UBE2E2: variants seen among roughly 807,000 people sequenced by gnomAD.
The protein encoded by UBE2E2 is ubiquitin-conjugating enzyme E2 E2.
A neutral mutation model predicts 24.7 loss-of-function variants in UBE2E2; 6 were observed. The observed-to-expected ratio is 0.24, with a 90% CI of 0.13 to 0.48. UBE2E2 has a LOEUF of 0.48. UBE2E2 is among the 20% of genes least tolerant of loss of function. The probability of loss-of-function intolerance (pLI) is 0.99; values close to 1 mark genes in which losing one functional copy is unlikely to be tolerated. For missense variants in UBE2E2, 169 were observed against 245.0 expected, an observed-to-expected ratio of 0.69 and a Z score of 2.07; for synonymous variants, 104 against 83.6, an observed-to-expected ratio of 1.24 and a Z score of -1.33.
At chr3:23,361,335 C>CA (rs763683295) in intron 3 of UBE2E2, among the ~76,000 whole-genome samples, 8 of 151,902 alleles carry the variant, frequency 5.3e-5, no homozygotes, top group Non-Finnish European at 1.2e-4. Flanking sequence ...GGGTATCTAC[C>CA]CAAAGGAAAA....
chr3:23,363,261 G>T (rs1696168858), intron 3 of UBE2E2, among the ~76,000 whole-genome samples: 1 of 152,184 alleles, frequency 6.6e-6, no homozygotes, highest in Non-Finnish European at 1.5e-5. Context: ...GTGATAACCA[G>T]CTAACAACAT....
intron 3 of UBE2E2, among the ~76,000 whole-genome samples, chr3:23,454,244 A>G (rs1015088534): frequency 6.6e-6 from 1 of 152,228 alleles, no homozygotes; most frequent in African/African-American, 2.4e-5. Context: ...ACTTAAATGT[A>G]ATAACTTTAT....
intron 3 of UBE2E2, among the ~76,000 whole-genome samples, chr3:23,233,878 A>G (rs1261532272): frequency 4.6e-5 from 7 of 152,218 alleles, no homozygotes; most frequent in Admixed American, 6.5e-5. Flanking sequence ...TTTTGAATAT[A>G]TTATAATGGA....
At chr3:23,567,547 T>C (rs1405932215) in intron 5 of UBE2E2, among the ~76,000 whole-genome samples, 1 of 152,128 alleles carries the variant, frequency 6.6e-6, no homozygotes, top group East Asian at 1.9e-4. Flanking sequence ...CATGTCTGCT[T>C]TAGATTCAAA....
At chr3:23,259,382 T>C (rs1404956621) in intron 3 of UBE2E2, among the ~76,000 whole-genome samples, 2 of 152,186 alleles carry the variant, frequency 1.3e-5, no homozygotes, top group East Asian at 1.9e-4. Context: ...TCTGTAAATA[T>C]TTAGTGAAAG....
At chr3:23,223,638 T>A (rs1270894589) in intron 3 of UBE2E2, among the ~76,000 whole-genome samples, 1 of 152,146 alleles carries the variant, frequency 6.6e-6, no homozygotes, top group African/African-American at 2.4e-5. Flanking sequence ...TCTCTTCACT[T>A]TGTTGATTGT....
chr3:23,317,177 T>A (rs1333974131), intron 3 of UBE2E2, among the ~76,000 whole-genome samples: 1 of 152,198 alleles, frequency 6.6e-6, no homozygotes, highest in Non-Finnish European at 1.5e-5. Context: ...GCACTAGGAC[T>A]TGCCTAGGAA....
intron 3 of UBE2E2, among the ~76,000 whole-genome samples, chr3:23,409,664 A>G (rs929148355): frequency 2.0e-5 from 3 of 152,200 alleles, no homozygotes; most frequent in Admixed American, 6.5e-5. Context: ...AAATTACACA[A>G]AATAGGTGGC....
At chr3:23,260,498 C>T (rs1458144845) in intron 3 of UBE2E2, among the ~76,000 whole-genome samples, 1 of 152,024 alleles carries the variant, frequency 6.6e-6, no homozygotes, top group Non-Finnish European at 1.5e-5. Flanking sequence ...GATATTGTCC[C>T]TATAATCTAA....
chr3:23,427,072 T>G (rs1036281635), intron 3 of UBE2E2, among the ~76,000 whole-genome samples: 9 of 152,058 alleles, frequency 5.9e-5, no homozygotes, highest in African/African-American at 2.2e-4. Context: ...GAAAGTAGGC[T>G]TCGATTAGTT....
chr3:23,345,047 C>T (rs140540260), intron 3 of UBE2E2, among the ~76,000 whole-genome samples: 6 of 152,176 alleles, frequency 3.9e-5, no homozygotes, highest in African/African-American at 9.6e-5. Flanking sequence ...GAGGAGGAAA[C>T]GAATTTTGCC....
At chr3:23,351,429 G>GAC (rs1015717349) in intron 3 of UBE2E2, among the ~76,000 whole-genome samples, 10 of 151,758 alleles carry the variant, frequency 6.6e-5, no homozygotes, top group Non-Finnish European at 1.2e-4. Context: ...CCAATTAAAA[G>GAC]ACAGACTGGC....
rs943129573 is a variant in UBE2E2 at position 23,560,673 on chromosome 3, A to G, written c.508+27972A>G. 1.4e-4 allele frequency among the ~76,000 whole-genome samples: 21 copies of G among 152,240 alleles called. 1 individual carries two copies. The highest frequency in any genetic ancestry group is 2.2e-4 in the Non-Finnish European group (15 of 68,014). ...TTCCACAATGGTTGAACTAGTTTAC[A>G]GTCCCACCAACAGTGTAAAAGCATT... is the stretch of plus-strand genomic sequence containing the variant. On this transcript the variant is annotated intron_variant, in intron 5 of 5. Coordinates refer to ENST00000396703, the MANE Select transcript of UBE2E2 (RefSeq NM_152653.4).
At chr3:23,391,449 G>A (rs1696933100) in intron 3 of UBE2E2, among the ~76,000 whole-genome samples, 1 of 152,110 alleles carries the variant, frequency 6.6e-6, no homozygotes, top group African/African-American at 2.4e-5. Flanking sequence ...ACTATATGCT[G>A]GATACAGGCA....
At chr3:23,405,192 AGG>A (rs375948361) in intron 3 of UBE2E2, among the ~76,000 whole-genome samples, 1 of 152,330 alleles carries the variant, frequency 6.6e-6, no homozygotes, top group East Asian at 1.9e-4. Flanking sequence ...AGACCATTGT[AGG>A]TTTGAATTCC....
chr3:23,588,733 T>C (rs926145438), intron 5 of UBE2E2, among the ~76,000 whole-genome samples: 16 of 152,164 alleles, frequency 1.1e-4, no homozygotes, highest in African/African-American at 3.4e-4. Flanking sequence ...TTTCTCCACG[T>C]TGGGCAAGAG....
intron 3 of UBE2E2, among the ~76,000 whole-genome samples, chr3:23,294,917 G>A (rs543105282): frequency 1.3e-5 from 2 of 151,906 alleles, no homozygotes; most frequent in South Asian, 2.1e-4. Context: ...ACTTTCTAAA[G>A]CCAATCATTC....
chr3:23,310,096 A>C (rs1458618093), intron 3 of UBE2E2, among the ~76,000 whole-genome samples: 1 of 152,168 alleles, frequency 6.6e-6, no homozygotes, highest in Non-Finnish European at 1.5e-5. Context: ...TTTTGAAGGG[A>C]GAGATATCAC....
chr3:23,398,365 A>G (rs1575604998), intron 3 of UBE2E2, among the ~76,000 whole-genome samples: 1 of 149,826 alleles, frequency 6.7e-6, no homozygotes, highest in East Asian at 2.0e-4. Flanking sequence ...ACACCTTTGG[A>G]TTTTTCCAAA....
Sources: allele counts gnomAD v4.1 joint callset (sites outside exome capture counted in the v4.1 genomes callset), GRCh38; gene constraint gnomAD v4.1.1; transcripts MANE v1.5; gene names NCBI Gene and HGNC (gene_info 2026-07-23, HGNC 2026-07-21).